The following DNAH8 variants were observed in gnomAD, a reference collection of about 807,000 sequenced individuals.
DNAH8 encodes dynein axonemal heavy chain 8.
Under a neutral mutation model 562.1 loss-of-function variants are expected in DNAH8, and 382 were observed. That is an observed-to-expected ratio of 0.68 (90% confidence interval 0.63 to 0.74). The LOEUF is 0.74. Ranked by LOEUF, DNAH8 falls within the 30% of genes least tolerant of loss-of-function variation. DNAH8 has a pLI of 0.00. For missense variants in DNAH8, 5,203 were observed against 5,620.4 expected (o/e 0.93, Z 2.37); for synonymous variants, 1,881 against 1,919.4 (o/e 0.98, Z 0.52).
rs80103517 is a variant in DNAH8 at position 38,884,905 on chromosome 6, A to G, written c.8259+907A>G. On this transcript the variant is annotated intron_variant, in intron 56 of 92. Coordinates refer to ENST00000327475, the MANE Select transcript of DNAH8 (RefSeq NM_001206927.2). ...CAGAAGTCCGCATGCTCCTGGTGGG[A>G]TCCCCAACACTTTCCTCCCACCGAC... Among the ~76,000 whole-genome samples the G allele has an allele frequency of 4.6e-5, 6 of 130,954 alleles. No homozygotes were observed. The East Asian group carries it at 1.3e-3, about 29-fold the overall frequency. The allele number at this position is 130,954 out of a possible 152,430, so 85.9% of individuals were successfully genotyped here. A position where few individuals can be genotyped will look rare whatever the true frequency, so the allele number is the denominator to read the frequency against.
chr6:38,925,385 A>C (rs1782040602), intron 73 of DNAH8, among the ~76,000 whole-genome samples: 1 of 151,030 alleles, frequency 6.6e-6, no homozygotes, highest in Admixed American at 6.6e-5. Context: ...GCCCAGACGG[A>C]AGTGCAGTGC....
chr6:38,766,137 GTA>G (rs200313932), intron 11 of DNAH8, among the ~76,000 whole-genome samples: 5 of 148,128 alleles, frequency 3.4e-5, no homozygotes, highest in Admixed American at 2.6e-4. Context: ...GTATGTGTTT[GTA>G]TGTGTGTGTG....
intron 68 of DNAH8, 104 bp from the exon 69 acceptor site, chr6:38,917,135 A>G: frequency 1.3e-6 from 1 of 794,216 alleles, no homozygotes. Context: ...GAGAGAAAAT[A>G]TGTTTTAAAG....
At chr6:38,873,447 A>G in intron 52 of DNAH8, 71 bp downstream of exon 52, 1 of 1,371,748 alleles carries the variant, frequency 7.3e-7, no homozygotes, top group Non-Finnish European at 9.9e-7. Flanking sequence ...GTTTACAGCC[A>G]TCTGAAATAG....
At chr6:38,891,252 G>T (rs1384641481) in intron 58 of DNAH8, among the ~76,000 whole-genome samples, 2 of 152,172 alleles carry the variant, frequency 1.3e-5, no homozygotes, top group African/African-American at 4.8e-5. Flanking sequence ...GGCTAGATTT[G>T]CATACACAAG....
chr6:39,025,852 T>A (rs1767238615), intron 91 of DNAH8, among the ~76,000 whole-genome samples: 1 of 104,272 alleles, frequency 9.6e-6, no homozygotes, highest in South Asian at 2.9e-4. Context: ...AGTTTGAAGT[T>A]TAGGATATTT....
rs770628767 is a variant in DNAH8 at position 38,971,637 on chromosome 6, G to A, written c.12497G>A (p.Arg4166Gln). 27 of 1,603,294 alleles carry A rather than the reference G, an allele frequency of 1.7e-5. No homozygotes were observed. The highest frequency in any genetic ancestry group is 8.6e-5 in the Admixed American group (5 of 57,902). ...GGGCAAGGACAAGAAGTACATGCTC[G>A]AAAGCTGATTCAGATGTCAATGCAG... The part of the protein sequence containing the change: ...SMGQGQEVHA[R>Q]KLIQMSMQQG... The change falls in exon 83 of 93, where the codon CGA becomes CAA. Residue 4166 changes from arginine to glutamine, a missense_variant. Around this residue, in one of 6 missense-constraint regions of DNAH8, gnomAD observed 1,399 missense variants for 1,518.4 expected, o/e 0.92. Transcript: ENST00000327475.
At chr6:39,015,407 G>A (rs12213929) in intron 91 of DNAH8, among the ~76,000 whole-genome samples, 37,015 of 151,950 alleles carry the variant, frequency 0.24, 5,572 homozygotes, top group Non-Finnish European at 0.34. Flanking sequence ...TTGGCTCTGC[G>A]TCCCCACCCA....
chr6:38,842,392 G>A lies in DNAH8; in HGVS notation c.4491G>A (p.Lys1497=), dbSNP rs1311791026. 1 of 1,608,422 alleles carries A rather than the reference G, an allele frequency of 6.2e-7. No individual in the cohort carries two copies. ...GAAAAGAACTCAACTTGCTGCAGAA[G>A]CTGTATGGATTGTATGACACCGTAA... ...KTRKELNLLQ[K]LYGLYDTVMS... is the part of the protein sequence containing the mutation. Residue 1497 remains lysine (K), a synonymous_variant, in exon 34 of 93, where the codon AAG becomes AAA. Coordinates refer to ENST00000327475, the MANE Select transcript of DNAH8 (RefSeq NM_001206927.2).
chr6:38,888,834 G>A (rs1483862412), intron 57 of DNAH8, among the ~76,000 whole-genome samples: 4 of 152,242 alleles, frequency 2.6e-5, no homozygotes, highest in African/African-American at 9.6e-5. Flanking sequence ...TTGCATCCCT[G>A]CTGGTAAAGT....
chr6:38,935,283 T>A, intron 76 of DNAH8, among the ~76,000 whole-genome samples: 1 of 152,202 alleles, frequency 6.6e-6, no homozygotes, highest in East Asian at 1.9e-4. Flanking sequence ...GAATGGGACA[T>A]GCTATTTATA....
intron 32 of DNAH8, among the ~76,000 whole-genome samples, chr6:38,835,641 G>T (rs1479804594): frequency 1.3e-5 from 2 of 152,158 alleles, no homozygotes; most frequent in African/African-American, 2.4e-5. Context: ...CAAAGGCCCG[G>T]CAGAGAGGAA....
At chr6:39,026,878 T>G (rs529200149) in intron 92 of DNAH8, among the ~76,000 whole-genome samples, 2 of 152,308 alleles carry the variant, frequency 1.3e-5, no homozygotes, top group African/African-American at 4.8e-5. Context: ...CTCTTAGAAC[T>G]CCGTAGACTA....
At chr6:38,721,964 T>C (rs1762789019) in intron 1 of DNAH8, among the ~76,000 whole-genome samples, 1 of 152,234 alleles carries the variant, frequency 6.6e-6, no homozygotes, top group Non-Finnish European at 1.5e-5. Flanking sequence ...TTTAACCACA[T>C]CCTGAAAACA....
chr6:38,909,812 T>C (rs1780750072), intron 65 of DNAH8, 68 bp downstream of exon 65: 3 of 1,254,720 alleles, frequency 2.4e-6, no homozygotes, highest in Non-Finnish European at 3.5e-6. Flanking sequence ...GAATGCATTG[T>C]AACATCCAGC....
Position 38,890,660 on chromosome 6 carries a change from G to T in DNAH8, c.8482G>T (p.Gly2828Ter), listed in dbSNP as rs908164854. The T allele has an allele frequency of 6.2e-7, 1 of 1,608,102 alleles. No homozygotes were observed. Among genetic ancestry groups the T allele is most frequent in the Non-Finnish European group, 8.5e-7 (1 of 1,174,638 alleles). ...TCTTGCTTATCTTTCAGGAATTATTGGATGTGGATACTTTGATCCTTGTAG... is the reference window on the plus strand; with the variant it reads ...TCTTGCTTATCTTTCAGGAATTATTTGATGTGGATACTTTGATCCTTGTAG... Reference protein sequence around the residue: ...ASIDKIFGIIGCGYFDPCRSF... With the variant: ...ASIDKIFGII Residue 2828 changes from glycine (G) to a stop codon, truncating the protein, a stop_gained, in exon 58 of 93, where the codon GGA becomes TGA. Coordinates refer to ENST00000327475, the MANE Select transcript of DNAH8 (RefSeq NM_001206927.2). LOFTEE classifies it high-confidence loss of function.
chr6:38,927,261 G>C (rs1293888256), intron 74 of DNAH8, among the ~76,000 whole-genome samples: 1 of 152,172 alleles, frequency 6.6e-6, no homozygotes, highest in Non-Finnish European at 1.5e-5. Context: ...TCCTTAATTA[G>C]ATAGTTTCTT....
chr6:38,733,245 G>A (rs556229524), intron 4 of DNAH8, among the ~76,000 whole-genome samples: 1 of 86,716 alleles, frequency 1.2e-5, no homozygotes, highest in South Asian at 3.6e-4. Flanking sequence ...CAAATAGAAG[G>A]CTGTTGATTT....
intron 26 of DNAH8, among the ~76,000 whole-genome samples, chr6:38,821,840 G>A (rs1309389079): frequency 1.3e-5 from 2 of 152,166 alleles, no homozygotes; most frequent in African/African-American, 2.4e-5. Context: ...GGGATTCTAG[G>A]CATGAACCAC....
Sources: gnomAD v4.1 joint callset for allele counts (sites outside exome capture counted in the v4.1 genomes callset) on GRCh38, gnomAD v4.1.1 for gene constraint, gnomAD v4.1.1 regional missense constraint, MANE v1.5 for transcripts, NCBI Gene and HGNC (gene_info 2026-07-23, HGNC 2026-07-21) for gene names.